Variants in RPSA2 observed in about 807,000 individuals in gnomAD.
RPSA2 encodes the protein small ribosomal subunit protein uS2B.
At chr19:23,771,651 T>G in the RPSA2 span, among the ~76,000 whole-genome samples, 4 of 151,998 alleles carry the variant, frequency 2.6e-5, no homozygotes, top group Non-Finnish European at 5.9e-5. Flanking sequence ...TCCTAGTGCT[T>G]TTCACAGAGG....
At chr19:23,807,361 T>C in the RPSA2 span, among the ~76,000 whole-genome samples, 1 of 152,242 alleles carries the variant, frequency 6.6e-6, no homozygotes, top group Non-Finnish European at 1.5e-5. Context: ...ACTCAGACTT[T>C]ATTTCAGATC....
At chr19:23,857,792 G>T in the RPSA2 span, among the ~76,000 whole-genome samples, 2 of 151,878 alleles carry the variant, frequency 1.3e-5, no homozygotes, top group Non-Finnish European at 2.9e-5. Flanking sequence ...ACTGCACCTG[G>T]CCCTTTTTTA....
At chr19:23,826,400 C>T in the RPSA2 span, among the ~76,000 whole-genome samples, 5 of 151,850 alleles carry the variant, frequency 3.3e-5, no homozygotes, top group Admixed American at 3.3e-4. Flanking sequence ...ACCATGTTGG[C>T]CAGCGTGGTT....
At chr19:23,817,901 T>C in the RPSA2 span, 1 of 152,190 alleles carries the variant, frequency 6.6e-6, no homozygotes, top group Non-Finnish European at 1.5e-5. Flanking sequence ...TGTCATGTTA[T>C]CCAGAACAGA....
chr19:23,817,627 G>C, the RPSA2 span: 1 of 152,254 alleles, frequency 6.6e-6, no homozygotes, highest in Non-Finnish European at 1.5e-5. Flanking sequence ...TTATTAAGGT[G>C]CACCCTGGCA....
At chr19:23,758,692 G>C in the RPSA2 span, 1 of 1,613,864 alleles carries the variant, frequency 6.2e-7, no homozygotes, top group South Asian at 1.1e-5. Flanking sequence ...GGCGAGGTCT[G>C]AGTCCCGCCA....
chr19:23,766,535 A>G, the RPSA2 span, among the ~76,000 whole-genome samples: 1 of 148,828 alleles, frequency 6.7e-6, no homozygotes, highest in African/African-American at 2.5e-5. Flanking sequence ...GCTCACTGCA[A>G]GCTCCGCCTC....
the RPSA2 span, among the ~76,000 whole-genome samples, chr19:23,760,311 G>C: frequency 3.3e-5 from 5 of 152,154 alleles, no homozygotes; most frequent in East Asian, 7.7e-4. Flanking sequence ...GATTTCAAAA[G>C]CCTGATTTTT....
chr19:23,868,983 G>A, the RPSA2 span, among the ~76,000 whole-genome samples: 1 of 152,174 alleles, frequency 6.6e-6, no homozygotes, highest in African/African-American at 2.4e-5. Flanking sequence ...GAAACTACTG[G>A]AGCGTCAAGG....
chr19:23,860,192 G>A, the RPSA2 span, among the ~76,000 whole-genome samples: 1 of 152,042 alleles, frequency 6.6e-6, no homozygotes, highest in African/African-American at 2.4e-5. Flanking sequence ...ACAGAGCTGA[G>A]CCCCCATCAT....
the RPSA2 span, among the ~76,000 whole-genome samples, chr19:23,789,904 C>T: frequency 5.9e-5 from 9 of 152,076 alleles, no homozygotes; most frequent in Non-Finnish European, 1.0e-4. Flanking sequence ...TCTAGAACTC[C>T]TGACCTCAGG....
the RPSA2 span, among the ~76,000 whole-genome samples, chr19:23,861,698 C>T: frequency 6.6e-6 from 1 of 152,172 alleles, no homozygotes; most frequent in East Asian, 1.9e-4. Context: ...CTCCACAAAA[C>T]ACCAATCTCC....
At chr19:23,841,941 C>T in the RPSA2 span, among the ~76,000 whole-genome samples, 1 of 152,142 alleles carries the variant, frequency 6.6e-6, no homozygotes, top group African/African-American at 2.4e-5. Flanking sequence ...TGAATAGTTT[C>T]TCTTTGTTTA....
chr19:23,824,580 CTTTT>C, the RPSA2 span, among the ~76,000 whole-genome samples: 1 of 63,822 alleles, frequency 1.6e-5, no homozygotes, highest in East Asian at 4.8e-4. Flanking sequence ...TATAGCATTT[CTTTT>C]TTTTTTTTTT....
the RPSA2 span, among the ~76,000 whole-genome samples, chr19:23,862,146 A>T: frequency 6.6e-6 from 1 of 152,074 alleles, no homozygotes; most frequent in Non-Finnish European, 1.5e-5. Flanking sequence ...GCAATTGTGA[A>T]TGGGAGTTCA....
the RPSA2 span, among the ~76,000 whole-genome samples, chr19:23,814,381 T>C: frequency 6.6e-6 from 1 of 152,196 alleles, no homozygotes; most frequent in Non-Finnish European, 1.5e-5. Context: ...TGTGCTCATG[T>C]CAATTTTGTG....
chr19:23,855,840 A>G, the RPSA2 span, among the ~76,000 whole-genome samples: 1 of 152,114 alleles, frequency 6.6e-6, no homozygotes, highest in Non-Finnish European at 1.5e-5. Flanking sequence ...CTGCAGAAGT[A>G]CAGGTGAATT....
At chr19:23,814,110 G>A in the RPSA2 span, among the ~76,000 whole-genome samples, 2 of 151,364 alleles carry the variant, frequency 1.3e-5, no homozygotes, top group Non-Finnish European at 2.9e-5. Context: ...TTCTTGGGAA[G>A]ATGAGGCAGG....
chr19:23,776,362 T>G, the RPSA2 span, among the ~76,000 whole-genome samples: 1 of 152,162 alleles, frequency 6.6e-6, no homozygotes, highest in Non-Finnish European at 1.5e-5. Context: ...TCACTGTGCC[T>G]TGCACCCAGG....
Sources: gnomAD v4.1 joint callset for allele counts (sites outside exome capture counted in the v4.1 genomes callset) on GRCh38, gnomAD v4.1.1 for gene constraint, MANE v1.5 for transcripts, NCBI Gene and HGNC (gene_info 2026-07-23, HGNC 2026-07-21) for gene names.